CAMTA1: variants seen among roughly 807,000 people sequenced by gnomAD.
CAMTA1 encodes the protein calmodulin-binding transcription activator 1.
In CAMTA1, 27 loss-of-function variants were observed where a neutral mutation model predicts 170.9. That is an observed-to-expected ratio of 0.16 (90% CI 0.12 to 0.22). The LOEUF (loss-of-function observed/expected upper bound fraction) is 0.22. Among genes scored for constraint, CAMTA1 ranks in the 10% least tolerant of loss-of-function variants. The pLI is 1.00. For missense variants in CAMTA1, 1,619 were observed against 2,217.2 expected (o/e 0.73, Z 5.42); for synonymous variants, 833 against 891.5 (o/e 0.93, Z 1.17).
intron 6 of CAMTA1, among the ~76,000 whole-genome samples, chr1:7,632,955 G>A (rs931420577): frequency 1.3e-5 from 2 of 152,228 alleles, no homozygotes; most frequent in Non-Finnish European, 2.9e-5. Flanking sequence ...ACTAGCCAGT[G>A]TAAGTGACCT....
At chr1:6,839,047 G>A (rs377426960) in intron 3 of CAMTA1, among the ~76,000 whole-genome samples, 2 of 151,922 alleles carry the variant, frequency 1.3e-5, no homozygotes, top group African/African-American at 4.8e-5. Flanking sequence ...GTGAGCCATC[G>A]TGCTCAGCCA....
At chr1:7,079,149 G>A in intron 3 of CAMTA1, among the ~76,000 whole-genome samples, 1 of 152,216 alleles carries the variant, frequency 6.6e-6, no homozygotes, top group East Asian at 1.9e-4. Flanking sequence ...ACATTCAGTA[G>A]AGACTCCGGA....
chr1:7,402,089 G>A (rs1475397744), intron 5 of CAMTA1, among the ~76,000 whole-genome samples: 3 of 152,210 alleles, frequency 2.0e-5, no homozygotes, highest in Non-Finnish European at 4.4e-5. Flanking sequence ...CAGCAAGGGT[G>A]TCAGCACTCT....
rs373549036 is a variant in CAMTA1 at position 7,682,999 on chromosome 1, G to A, written c.2914+5266G>A. On this transcript the variant is annotated intron_variant, in intron 11 of 22. Coordinates refer to ENST00000303635, the MANE Select transcript of CAMTA1 (RefSeq NM_015215.4). This position sits in a 1 kb window ranked among gnomAD's most constrained non-coding sequence, Gnocchi z 5.0. ...ATCCTGGTTAACACGGTGAAACCCC[G>A]CCTCTACTAAAAATACAAAAACAAA... 4.6e-5 allele frequency among the ~76,000 whole-genome samples: 7 copies of A among 152,166 alleles called. No homozygotes were observed. In the East Asian group the frequency reaches 5.8e-4, roughly 13 times the overall value.
Position 7,733,971 on chromosome 1 carries a change from C to T in CAMTA1, c.3066+1372C>T, listed in dbSNP as rs113231402. On this transcript the variant is annotated intron_variant, in intron 12 of 22. Transcript: ENST00000303635. The stretch of plus-strand genomic sequence containing the variant: ...AGGCTTCTTTTTTTTCTTTTTGACA[C>T]GAAGTCTTGCTCTGTCGCCCAGGTG... Among the ~76,000 whole-genome samples the T allele has an allele frequency of 6.8e-4, 104 of 152,136 alleles. 1 individual carries two copies. In the Middle Eastern group the frequency reaches 0.01, roughly 15 times the overall value.
intron 5 of CAMTA1, among the ~76,000 whole-genome samples, chr1:7,414,278 G>C (rs1254568732): frequency 6.6e-6 from 1 of 152,214 alleles, no homozygotes; most frequent in Non-Finnish European, 1.5e-5. Flanking sequence ...CTCATAAAAT[G>C]AGTTAGGGAG....
chr1:6,898,766 G>A (rs1315796245), intron 3 of CAMTA1, among the ~76,000 whole-genome samples: 2 of 152,292 alleles, frequency 1.3e-5, no homozygotes, highest in Admixed American at 1.3e-4. Context: ...GCTTTGCTTT[G>A]CTTCAACTGG....
intron 4 of CAMTA1, among the ~76,000 whole-genome samples, chr1:7,097,000 T>C (rs777599374): frequency 6.6e-6 from 1 of 152,158 alleles, no homozygotes; most frequent in Non-Finnish European, 1.5e-5. Flanking sequence ...TCTCTGAATA[T>C]CTTTCTTGTC....
At chr1:7,015,348 G>C (rs1700377278) in intron 3 of CAMTA1, among the ~76,000 whole-genome samples, 1 of 152,058 alleles carries the variant, frequency 6.6e-6, no homozygotes, top group Non-Finnish European at 1.5e-5. Context: ...TGTTCCCACT[G>C]TCCACCCTCA....
chr1:7,497,762 A>G (rs967627223), intron 6 of CAMTA1, among the ~76,000 whole-genome samples: 2 of 152,202 alleles, frequency 1.3e-5, no homozygotes, highest in Non-Finnish European at 2.9e-5. Context: ...GGCAGGAGAG[A>G]GCAGACGGAC....
chr1:7,470,800 C>A (rs1223226508), intron 6 of CAMTA1, among the ~76,000 whole-genome samples: 1 of 152,254 alleles, frequency 6.6e-6, no homozygotes, highest in African/African-American at 2.4e-5. Context: ...TGTGAACTCG[C>A]TCCTGCCCTC....
chr1:6,885,965 C>T (rs1243019127), intron 3 of CAMTA1, among the ~76,000 whole-genome samples: 1 of 152,166 alleles, frequency 6.6e-6, no homozygotes, highest in Admixed American at 6.5e-5. Context: ...TCACTCTTAC[C>T]CTGGGCACTG....
rs1284321953 is a variant in CAMTA1 at position 7,325,999 on chromosome 1, C to T, written c.438+76373C>T. Among the ~76,000 whole-genome samples the T allele has an allele frequency of 2.0e-5, 3 of 152,176 alleles. No individual in the cohort carries two copies. The highest frequency in any genetic ancestry group is 4.4e-5 in the Non-Finnish European group (3 of 68,022). On this transcript the variant is annotated intron_variant, in intron 5 of 22. Transcript: ENST00000303635. This position sits in a 1 kb window ranked among gnomAD's most constrained non-coding sequence, Gnocchi z 5.0. ...TCAGCCTCCCAAGTAGCTGGGACTA[C>T]AGGCGTGCGCCACCATGCCTGGCTA...
chr1:7,231,844 T>C (rs1453764235), intron 4 of CAMTA1, among the ~76,000 whole-genome samples: 2 of 152,206 alleles, frequency 1.3e-5, no homozygotes, highest in Non-Finnish European at 2.9e-5. Context: ...AACAGGATTG[T>C]GCAGGTTAAA....
chr1:7,144,906 T>G lies in CAMTA1; in HGVS notation c.302+53535T>G, dbSNP rs1204015140. 6.6e-6 allele frequency among the ~76,000 whole-genome samples: 1 copy of G among 152,266 alleles called. No individual in the cohort carries two copies. The highest frequency in any genetic ancestry group is 1.9e-4 in the East Asian group (1 of 5,200). On this transcript the variant is annotated intron_variant, in intron 4 of 22. Transcript: ENST00000303635. This position sits in a 1 kb window ranked among gnomAD's most constrained non-coding sequence, Gnocchi z 4.0. ...CCACAACTACCTGGTGAGGCAGCAC[T>G]TGCTTTTTCTTCCCATGTTACAAAT...
At chr1:7,627,747 C>T (rs1160194756) in intron 6 of CAMTA1, among the ~76,000 whole-genome samples, 4 of 152,142 alleles carry the variant, frequency 2.6e-5, no homozygotes, top group South Asian at 2.1e-4. Context: ...TAATTCCTTA[C>T]GTTTTAGATT....
chr1:7,704,643 GC>G (rs2096486700), intron 11 of CAMTA1, among the ~76,000 whole-genome samples: 1 of 148,838 alleles, frequency 6.7e-6, no homozygotes, highest in Non-Finnish European at 1.5e-5. Flanking sequence ...GGACCACGCG[GC>G]CTGGGGGGCG....
chr1:7,187,275 G>A (rs72641232), intron 4 of CAMTA1, among the ~76,000 whole-genome samples: 13,070 of 152,216 alleles, frequency 0.086, 596 homozygotes, highest in South Asian at 0.13. Flanking sequence ...TCTATGGCAA[G>A]ATATGGGAAA....
At chr1:7,409,219 C>T (rs573841361) in intron 5 of CAMTA1, among the ~76,000 whole-genome samples, 1 of 152,194 alleles carries the variant, frequency 6.6e-6, no homozygotes, top group Non-Finnish European at 1.5e-5. Context: ...CTAGACAATC[C>T]CAGATGGAGA....
Sources: allele counts gnomAD v4.1 joint callset (sites outside exome capture counted in the v4.1 genomes callset), GRCh38; gene constraint gnomAD v4.1.1; non-coding constraint Gnocchi (gnomAD v3.1); transcripts MANE v1.5; gene names NCBI Gene and HGNC (gene_info 2026-07-23, HGNC 2026-07-21).